Variants in NAV3 observed in about 807,000 individuals in gnomAD.
NAV3 encodes pore membrane and/or filament interacting like protein 1.
NAV3 carries 87 observed loss-of-function variants against 244.7 expected under a neutral mutation model. The observed-to-expected ratio is 0.36, with a 90% CI of 0.30 to 0.42. NAV3 has a LOEUF of 0.42. Among genes scored for constraint, NAV3 ranks in the 20% least tolerant of loss-of-function variants. The pLI is 1.00. For synonymous variants in NAV3, 1,126 were observed against 1,042.2 expected (o/e 1.08, Z -1.55); for missense variants, 2,663 against 2,893.3 (o/e 0.92, Z 1.83).
At chr12:77,824,376 C>T (rs149922381) in intron 2 of NAV3, among the ~76,000 whole-genome samples, 21 of 150,160 alleles carry the variant, frequency 1.4e-4, no homozygotes, top group South Asian at 4.2e-4. Context: ...TACAGGCATG[C>T]GCCACTGCGC....
rs1317279651 is a variant in NAV3, at chr12:78,128,726, A to C, written c.4301A>C (p.Gln1434Pro). 6.2e-7 allele frequency: 1 copy of C among 1,613,992 alleles called. No individual in the cohort carries two copies. Among genetic ancestry groups the C allele is most frequent in the Admixed American group, 1.7e-5 (1 of 60,004 alleles). The change falls in exon 18 of 40, where the codon CAG (glutamine) becomes CCG (proline). Residue 1434 changes from glutamine (Q) to proline (P), a missense_variant. This residue lies in a region of NAV3 where 354 missense variants were observed against 413.0 expected (regional missense o/e 0.86). Transcript: ENST00000397909. The part of the protein sequence containing the change: ...KGLRYTPSSR[Q>P]ANQEEGKEWL... The stretch of plus-strand genomic sequence containing the variant: ...TGCAGATATACCCCATCATCTCGGC[A>C]GGCCAACCAAGAAGAGGGCAAAGAG...
At chr12:77,895,738 G>A (rs200180819) in intron 1 of NAV3, among the ~76,000 whole-genome samples, 1 of 128,008 alleles carries the variant, frequency 7.8e-6, no homozygotes, top group African/African-American at 2.8e-5. Context: ...GTACCCTCTT[G>A]TTTTTTTTTT....
chr12:78,064,387 A>G (rs973249787), intron 12 of NAV3, among the ~76,000 whole-genome samples: 17 of 142,094 alleles, frequency 1.2e-4, no homozygotes, highest in African/African-American at 2.0e-4. Flanking sequence ...GGAGACATCT[A>G]TCTATCTGTG....
At chr12:77,618,003 CTAATGAT>C (rs1452291602) in intron 2 of NAV3, among the ~76,000 whole-genome samples, 2 of 152,146 alleles carry the variant, frequency 1.3e-5, no homozygotes, top group African/African-American at 2.4e-5. Flanking sequence ...GCAAGCTGAC[CTAATGAT>C]TAATGCTGAG....
At position 77,762,883 on chromosome 12, in the gene NAV3, A is replaced by C. The variant is rs1592658615; in HGVS notation, c.73-177436A>C. Among the ~76,000 whole-genome samples the C allele has an allele frequency of 3.3e-5, 5 of 152,350 alleles. No homozygotes were observed. In the South Asian group the frequency reaches 1.0e-3, roughly 32 times the overall value. Reference sequence around the variant, plus strand: ...GAAGCAATATGGACTTTACCTCTCCAGTAAAGGCTTCCAGTGGCTCTCTGA... The same window carrying C: ...GAAGCAATATGGACTTTACCTCTCCCGTAAAGGCTTCCAGTGGCTCTCTGA... On this transcript the variant is annotated intron_variant, in intron 2 of 8. Transcript: ENST00000550042.
Position 77,578,078 on chromosome 12 carries a change from T to C in NAV3, c.72+5812T>C, listed in dbSNP as rs552234474. On this transcript the variant is annotated intron_variant, in intron 2 of 8. Transcript: ENST00000550042. ...ATGAAACTAAGCCGATTTAAAGATA[T>C]GTTACAAAAGTGGTAGACATAAGGA... 9.8e-5 allele frequency among the ~76,000 whole-genome samples: 15 copies of C among 152,318 alleles called. No homozygotes were observed. In the South Asian group the frequency reaches 1.7e-3, roughly 17 times the overall value.
At chr12:77,961,318 T>A (rs1036466830) in intron 3 of NAV3, among the ~76,000 whole-genome samples, 8 of 142,606 alleles carry the variant, frequency 5.6e-5, no homozygotes, top group Non-Finnish European at 1.1e-4. Flanking sequence ...ATTACACATA[T>A]ACATATATGT....
rs376504786 is a variant in NAV3 at position 78,007,165 on chromosome 12, C to T, written c.1627C>T (p.Pro543Ser). Reference protein sequence around the residue: ...KVPTVKQTISPGSTASKESEK... With the variant: ...KVPTVKQTISSGSTASKESEK... ...TCCAACAGTAAAGCAAACCATTTCA[C>T]CTGGCAGCACAGCAAGCAAAGAGTC... is the stretch of plus-strand genomic sequence containing the variant. Residue 543 changes from proline to serine, a missense_variant, in exon 8 of 40, where the codon CCT becomes TCT. Transcript: ENST00000397909. 4.3e-6 allele frequency: 7 copies of T among 1,614,038 alleles called. No homozygotes were observed. The African/African-American group carries it at 9.3e-5, about 22-fold the overall frequency.
At chr12:78,064,485 G>T (rs1446843024) in intron 12 of NAV3, among the ~76,000 whole-genome samples, 1 of 150,860 alleles carries the variant, frequency 6.6e-6, no homozygotes, top group East Asian at 1.9e-4. Context: ...ATAGAGAGAG[G>T]TCTTTGGTGT....
At chr12:77,608,172 G>A (rs1870754554) in intron 2 of NAV3, among the ~76,000 whole-genome samples, 1 of 151,890 alleles carries the variant, frequency 6.6e-6, no homozygotes, top group Non-Finnish European at 1.5e-5. Context: ...AAACTTTATG[G>A]GTATGTCACT....
intron 12 of NAV3, among the ~76,000 whole-genome samples, chr12:78,111,078 A>G (rs1955071330): frequency 1.3e-5 from 2 of 151,984 alleles, no homozygotes; most frequent in South Asian, 4.1e-4. Context: ...GTGTAAACAT[A>G]TAGTTAAAAG....
At chr12:77,635,875 A>G (rs1217752025) in intron 2 of NAV3, among the ~76,000 whole-genome samples, 2 of 152,208 alleles carry the variant, frequency 1.3e-5, no homozygotes, top group Non-Finnish European at 1.5e-5. Flanking sequence ...AAAGTAACAG[A>G]GTTAATATAA....
Position 78,080,975 on chromosome 12 carries a change from C to T in NAV3, c.2636+21860C>T, listed in dbSNP as rs147813457. On this transcript the variant is annotated intron_variant, in intron 12 of 39. Coordinates refer to ENST00000397909, the MANE Select transcript of NAV3 (RefSeq NM_001024383.2). ...CAATTTAGTTATCATAAGTGAAGTC[C>T]GGTGTGTTTTAGAGATCGTATCCAT... 7.8e-4 allele frequency among the ~76,000 whole-genome samples: 119 copies of T among 152,180 alleles called. 1 individual carries two copies. In the East Asian group the frequency reaches 0.019, roughly 24 times the overall value.
At chr12:78,167,867 TTTTC>T (rs1475508912) in intron 23 of NAV3, among the ~76,000 whole-genome samples, 4 of 151,700 alleles carry the variant, frequency 2.6e-5, no homozygotes, top group African/African-American at 4.8e-5. Context: ...TCTCAGTTCT[TTTTC>T]TTTCTATCTT....
At chr12:77,621,479 T>C (rs978074589) in intron 2 of NAV3, among the ~76,000 whole-genome samples, 10 of 146,280 alleles carry the variant, frequency 6.8e-5, no homozygotes, top group South Asian at 2.2e-4. Flanking sequence ...TCTCTTCTCT[T>C]TTTTTTTTTT....
In NAV3 at chr12:78,159,293, T is replaced by G; in HGVS notation, c.4869+7T>G. ...TATGACAGCGGAACAAAAGGTATGTTCAGAAATTGCCACTGGAGACTGAAA... is the reference window on the plus strand; with the variant it reads ...TATGACAGCGGAACAAAAGGTATGTGCAGAAATTGCCACTGGAGACTGAAA... On this transcript the variant is annotated splice_region_variant and intron_variant, in intron 23 of 39. Transcript: ENST00000397909. The G allele has an allele frequency of 4.3e-6, 7 of 1,612,294 alleles. No individual in the cohort carries two copies. The highest frequency in any genetic ancestry group is 5.9e-6 in the Non-Finnish European group (7 of 1,178,802).
At chr12:78,034,444 C>T (rs530718605) in intron 9 of NAV3, among the ~76,000 whole-genome samples, 98 of 152,248 alleles carry the variant, frequency 6.4e-4, no homozygotes, top group African/African-American at 2.2e-3. Flanking sequence ...TGGGGCACAG[C>T]GAACTGTGTT....
chr12:77,647,499 T>A (rs1350151357), intron 2 of NAV3, among the ~76,000 whole-genome samples: 2 of 150,734 alleles, frequency 1.3e-5, no homozygotes, highest in East Asian at 4.0e-4. Flanking sequence ...ACTAGATGAA[T>A]TTTTTTTTAA....
intron 9 of NAV3, among the ~76,000 whole-genome samples, chr12:78,027,708 A>G (rs1253555831): frequency 6.6e-6 from 1 of 152,200 alleles, no homozygotes. Context: ...TTTTCCATGC[A>G]CACCCACAAA....
Sources: gnomAD v4.1 joint callset for allele counts (sites outside exome capture counted in the v4.1 genomes callset) on GRCh38, gnomAD v4.1.1 for gene constraint, gnomAD v4.1.1 regional missense constraint, MANE v1.5 for transcripts, NCBI Gene and HGNC (gene_info 2026-07-23, HGNC 2026-07-21) for gene names.